Variants in PLCB1 observed in about 807,000 individuals in gnomAD.
PLCB1 encodes the protein 1-phosphatidylinositol 4,5-bisphosphate phosphodiesterase beta-1.
Under a neutral mutation model 161.8 loss-of-function variants are expected in PLCB1, and 46 were observed. The observed-to-expected ratio is 0.28, with a 90% confidence interval of 0.22 to 0.36. The LOEUF (loss-of-function observed/expected upper bound fraction) is 0.36, where lower values mean the gene tolerates loss of function less well. Ranked by LOEUF, PLCB1 falls within the 10% of genes least tolerant of loss-of-function variation. The pLI is 1.00. For missense variants in PLCB1, 1,016 were observed against 1,472.5 expected (o/e 0.69, Z 5.07); for synonymous variants, 517 against 503.7 (o/e 1.03, Z -0.35).
At position 8,678,510 on chromosome 20, in the gene PLCB1, A is replaced by G. The variant is rs560739954; in HGVS notation, c.863-6422A>G. ...GAAGCGTGTTTCTATTAACCATCCT[A>G]GTAAAAGTGGTGCTGGATGGCAGCC... On this transcript the variant is annotated intron_variant, in intron 9 of 31. Coordinates refer to ENST00000338037, the MANE Select transcript of PLCB1 (RefSeq NM_015192.4). 9.2e-5 allele frequency among the ~76,000 whole-genome samples: 14 copies of G among 152,314 alleles called. No individual in the cohort carries two copies. In the South Asian group the frequency reaches 1.2e-3, roughly 14 times the overall value.
At chr20:8,673,546 G>T (rs1006127910) in intron 9 of PLCB1, among the ~76,000 whole-genome samples, 5 of 152,222 alleles carry the variant, frequency 3.3e-5, no homozygotes, top group African/African-American at 1.2e-4. Flanking sequence ...TGGACTTCAG[G>T]GTACCGTTAG....
At chr20:8,634,918 G>A (rs1172986910) in intron 4 of PLCB1, among the ~76,000 whole-genome samples, 4 of 151,978 alleles carry the variant, frequency 2.6e-5, no homozygotes, top group Non-Finnish European at 4.4e-5. Context: ...TAATATTAAT[G>A]CCTTTATAAT....
chr20:8,759,744 T>C (rs1224754769), intron 24 of PLCB1, among the ~76,000 whole-genome samples: 1 of 152,010 alleles, frequency 6.6e-6, no homozygotes, highest in African/African-American at 2.4e-5. Context: ...AGCTGATCCA[T>C]CTACCTTGGC....
At chr20:8,367,725 C>CTGCTTTAT (rs1465368512) in intron 2 of PLCB1, among the ~76,000 whole-genome samples, 1 of 152,158 alleles carries the variant, frequency 6.6e-6, no homozygotes, top group Non-Finnish European at 1.5e-5. Flanking sequence ...GACCATTTCA[C>CTGCTTTAT]TGCTTTATTG....
chr20:8,310,968 T>C (rs1984372305), intron 2 of PLCB1, among the ~76,000 whole-genome samples: 1 of 152,224 alleles, frequency 6.6e-6, no homozygotes, highest in Non-Finnish European at 1.5e-5. Flanking sequence ...GCACCTGGGT[T>C]GATGCCATGT....
At chr20:8,676,109 C>T (rs1471188345) in intron 9 of PLCB1, among the ~76,000 whole-genome samples, 1 of 152,268 alleles carries the variant, frequency 6.6e-6, no homozygotes, top group African/African-American at 2.4e-5. Context: ...GCGGCTCCCG[C>T]CTGCGATGCC....
chr20:8,696,384 C>T lies in PLCB1; in HGVS notation c.1010-1242C>T, dbSNP rs564504238. ...TATGTCTGTCTTTATGCCAGTACCA[C>T]ATGGTCTTGATTACTGTAGCTTTGT... On this transcript the variant is annotated intron_variant, in intron 10 of 31. Coordinates refer to ENST00000338037, the MANE Select transcript of PLCB1 (RefSeq NM_015192.4). 7.2e-5 allele frequency among the ~76,000 whole-genome samples: 11 copies of T among 152,308 alleles called. No homozygotes were observed. The East Asian group carries it at 1.3e-3, about 19-fold the overall frequency.
At chr20:8,579,275 A>T (rs1233870803) in intron 3 of PLCB1, among the ~76,000 whole-genome samples, 1 of 152,228 alleles carries the variant, frequency 6.6e-6, no homozygotes, top group African/African-American at 2.4e-5. Flanking sequence ...CTGCCATGAG[A>T]AGGATAGGCC....
intron 3 of PLCB1, among the ~76,000 whole-genome samples, chr20:8,499,447 A>T (rs1983313080): frequency 6.6e-6 from 1 of 152,230 alleles, no homozygotes; most frequent in Non-Finnish European, 1.5e-5. Flanking sequence ...GGCATTAGAA[A>T]GTCAGAAAGA....
At chr20:8,311,029 G>C (rs1984375795) in intron 2 of PLCB1, among the ~76,000 whole-genome samples, 1 of 152,154 alleles carries the variant, frequency 6.6e-6, no homozygotes, top group African/African-American at 2.4e-5. Flanking sequence ...CACCAGCAAT[G>C]AGTAAGCTTT....
chr20:8,878,209 C>T (rs955177232), intron 31 of PLCB1, among the ~76,000 whole-genome samples: 5 of 152,138 alleles, frequency 3.3e-5, no homozygotes, highest in Admixed American at 1.3e-4. Flanking sequence ...CCCAGTTCAA[C>T]CTATAAGAGA....
chr20:8,233,365 A>C lies in PLCB1; in HGVS notation c.177+82994A>C, dbSNP rs1033763966. On this transcript the variant is annotated intron_variant, in intron 2 of 31. Transcript: ENST00000338037. ...AATCAGAGAAAGACAATAAGAATGA[A>C]TCCTTTTTAGTAACAGTGTACTGTG... Among the ~76,000 whole-genome samples the C allele has an allele frequency of 9.9e-5, 15 of 152,240 alleles. 1 individual carries two copies. The Middle Eastern group carries it at 0.01, about 104-fold the overall frequency.
At chr20:8,166,528 A>C (rs1012021333) in intron 2 of PLCB1, among the ~76,000 whole-genome samples, 9 of 152,094 alleles carry the variant, frequency 5.9e-5, no homozygotes, top group Non-Finnish European at 1.3e-4. Flanking sequence ...AACTTATTTT[A>C]CCATCTGGAT....
intron 3 of PLCB1, among the ~76,000 whole-genome samples, chr20:8,436,531 A>G (rs940707853): frequency 4.0e-5 from 6 of 151,604 alleles, no homozygotes; most frequent in African/African-American, 1.5e-4. Context: ...GTTAACACCA[A>G]ACTCTCTTTT....
At chr20:8,551,373 T>C (rs1410682591) in intron 3 of PLCB1, among the ~76,000 whole-genome samples, 2 of 152,236 alleles carry the variant, frequency 1.3e-5, no homozygotes, top group Non-Finnish European at 1.5e-5. Flanking sequence ...TTTGTGTTCA[T>C]TGATACTTAT....
intron 3 of PLCB1, among the ~76,000 whole-genome samples, chr20:8,387,880 G>A (rs146545052): frequency 6.6e-6 from 1 of 151,522 alleles, no homozygotes; most frequent in African/African-American, 2.4e-5. Flanking sequence ...GATGGATGGT[G>A]GTGATGGTTG....
chr20:8,504,585 TTCC>T (rs1350026451), intron 3 of PLCB1, among the ~76,000 whole-genome samples: 3 of 152,166 alleles, frequency 2.0e-5, no homozygotes, highest in African/African-American at 7.2e-5. Flanking sequence ...CTGCCCCAAC[TTCC>T]TCCTCTTTCT....
rs979239869 is a variant in PLCB1, at chr20:8,539,660, C to CT, written c.247-88631dup. On this transcript the variant is annotated intron_variant, in intron 3 of 31. Transcript: ENST00000338037. Reference sequence around the variant, plus strand: ...TCTTTCTTTCTTTCTTTCTTTCTTTCTTTCTTTCTTTCTTTCTTTCTTTCT... The same window carrying CT: ...TCTTTCTTTCTTTCTTTCTTTCTTTCTTTTCTTTCTTTCTTTCTTTCTTTCT... Among the ~76,000 whole-genome samples, 503 of 94,258 alleles carry CT rather than the reference C, an allele frequency of 5.3e-3. 14 individuals are homozygous for CT. The highest frequency in any genetic ancestry group is 5.8e-3 in the Non-Finnish European group (281 of 48,518). 61.8% of individuals were successfully genotyped at this position (94,258 alleles called of 152,430 possible). A position where few individuals can be genotyped will look rare whatever the true frequency, so the allele number is the denominator to read the frequency against.
chr20:8,562,270 T>A (rs189111168), intron 3 of PLCB1, among the ~76,000 whole-genome samples: 2 of 152,192 alleles, frequency 1.3e-5, no homozygotes, highest in East Asian at 3.9e-4. Context: ...AAGACCCCAC[T>A]GTAGGATTCT....
Sources: gnomAD v4.1 joint callset for allele counts (sites outside exome capture counted in the v4.1 genomes callset) on GRCh38, gnomAD v4.1.1 for gene constraint, MANE v1.5 for transcripts, NCBI Gene and HGNC (gene_info 2026-07-23, HGNC 2026-07-21) for gene names.